Variants in FGR observed in about 807,000 individuals in gnomAD.
FGR encodes tyrosine-protein kinase Fgr.
A neutral mutation model predicts 63.2 loss-of-function variants in FGR; 26 were observed. The observed-to-expected ratio is 0.41, with a 90% CI of 0.30 to 0.57. The LOEUF (loss-of-function observed/expected upper bound fraction) is 0.57. Among genes scored for constraint, FGR ranks in the 20% least tolerant of loss-of-function variants. The pLI is 0.27. For synonymous variants in FGR, 286 were observed against 277.7 expected (o/e 1.03, Z -0.30); for missense variants, 511 against 690.8 (o/e 0.74, Z 2.92).
chr1:27,617,101 AGTCTTG>A lies in FGR; in HGVS notation c.532+86_532+91del. 2 of 1,599,500 alleles carry A rather than the reference AGTCTTG, an allele frequency of 1.3e-6. No homozygotes were observed. Among genetic ancestry groups the A allele is most frequent in the Non-Finnish European group, 1.7e-6 (2 of 1,168,852 alleles). On this transcript the variant is annotated intron_variant, in intron 6 of 12. Transcript: ENST00000374005. This position sits in a 1 kb window ranked among gnomAD's most constrained non-coding sequence, Gnocchi z 4.5. ...AGCAGCATCCCTAGGACCTGGTCCC[AGTCTTG>A]GCCTTAACCCAAGCAGCCTACCGCT... is the stretch of plus-strand genomic sequence containing the variant.
chr1:27,623,629 T>A (rs2089969648), intron 3 of FGR, 62 bp downstream of exon 3: 1 of 1,559,540 alleles, frequency 6.4e-7, no homozygotes, highest in African/African-American at 1.4e-5. Flanking sequence ...TCGCATCTCT[T>A]CTTCTTCCCT....
intron 4 of FGR, among the ~76,000 whole-genome samples, 163 bp downstream of exon 4, chr1:27,622,879 C>G (rs1414520928): frequency 6.6e-6 from 1 of 152,222 alleles, no homozygotes; most frequent in Non-Finnish European, 1.5e-5. Context: ...AACACCACCC[C>G]CCTCAACCAG....
At chr1:27,632,449 C>T (rs1252605481) in intron 1 of FGR, among the ~76,000 whole-genome samples, 1 of 152,064 alleles carries the variant, frequency 6.6e-6, no homozygotes, top group African/African-American at 2.4e-5. Context: ...TCATTAACCC[C>T]CTTTCATCTC....
chr1:27,617,206 G>A lies in FGR; in HGVS notation c.519C>T (p.Ser173=), dbSNP rs778152271. 2.9e-5 allele frequency: 47 copies of A among 1,613,768 alleles called. No homozygotes were observed. Among genetic ancestry groups the A allele is most frequent in the East Asian group, 1.1e-4 (5 of 44,880 alleles). ...CACCACCCCTACCTTTGGTGGTCTC[G>A]CTTTCCCGAATGAGAAAGGCCCCCT... ...NPQGAFLIRE[S]ETTKGAYSLS... The change falls in exon 6 of 13, where the codon AGC becomes AGT. Residue 173 remains serine (S), a synonymous_variant. Transcript: ENST00000374005. This position sits in a 1 kb window ranked among gnomAD's most constrained non-coding sequence, Gnocchi z 4.5.
chr1:27,628,628 A>G (rs1214811291), intron 1 of FGR, among the ~76,000 whole-genome samples: 1 of 152,174 alleles, frequency 6.6e-6, no homozygotes, highest in Non-Finnish European at 1.5e-5. Context: ...ATAGACTTAT[A>G]CAATCTCTCA....
Position 27,621,507 on chromosome 1 carries a change from T to C in FGR, c.428+52A>G, listed in dbSNP as rs1571392549. 7.4e-6 allele frequency: 10 copies of C among 1,360,086 alleles called. 1 individual carries two copies. In the East Asian group the frequency reaches 2.3e-4, roughly 31 times the overall value. The allele number at this position is 1,360,086 out of a possible 1,614,324, so 84.3% of individuals were successfully genotyped here. ...TTGTCCAAGAGGTGGCCTTGGAGTC[T>C]GGACTCCAGGGTCCTGTCCATAGGG... On this transcript the variant is annotated intron_variant, in intron 5 of 12. Coordinates refer to ENST00000374005, the MANE Select transcript of FGR (RefSeq NM_005248.3).
Position 27,623,749 on chromosome 1 carries a change from G to A in FGR, c.168C>T (p.Phe56=). Residue 56 remains phenylalanine, a synonymous_variant, in exon 3 of 13, where the codon TTC becomes TTT. Coordinates refer to ENST00000374005, the MANE Select transcript of FGR (RefSeq NM_005248.3). The stretch of plus-strand genomic sequence containing the variant: ...AGCCAGGGTTGATGGCCTGAGAGGA[G>A]AAGTTGCTGTAGTTGGGGATGTGGG... The part of the protein sequence containing the change: ...SFAHIPNYSN[F]SSQAINPGFL... 3 of 1,614,262 alleles carry A rather than the reference G, an allele frequency of 1.9e-6. No homozygotes were observed. Among genetic ancestry groups the A allele is most frequent in the Non-Finnish European group, 2.5e-6 (3 of 1,180,042 alleles).
At chr1:27,622,288 C>CAAAAAA (rs1210861502) in intron 4 of FGR, among the ~76,000 whole-genome samples, 1 of 42,212 alleles carries the variant, frequency 2.4e-5, no homozygotes, top group East Asian at 7.6e-4. Context: ...GACTCCAACT[C>CAAAAAA]AAAAAAAAAA....
In FGR at chr1:27,614,456, T is replaced by C. The variant is rs759399215; in HGVS notation, c.1223A>G (p.Lys408Arg). Residue 408 changes from lysine (K) to arginine (R), a missense_variant, in exon 11 of 13, where the codon AAG (lysine) becomes AGG (arginine). Physicochemically the swap from Lys to Arg is conservative, Grantham distance 26. Transcript: ENST00000374005. ...IADFGLARLI[K>R]DDEYNPCQGS... ...TTGGCAGGGGTTGTACTCATCGTCC[T>C]TGATGAGACGCGCCAAGCCAAAGTC... 1.1e-5 allele frequency: 17 copies of C among 1,613,502 alleles called. No individual in the cohort carries two copies. In the Admixed American group the frequency reaches 2.0e-4, roughly 19 times the overall value.
At position 27,615,930 on chromosome 1, in the gene FGR, C is replaced by G; in HGVS notation, c.683-86G>C. The G allele has an allele frequency of 1.4e-6, 2 of 1,408,046 alleles. No homozygotes were observed. Among genetic ancestry groups the G allele is most frequent in the East Asian group, 2.5e-5 (1 of 39,444 alleles). 87.2% of individuals were successfully genotyped at this position (1,408,046 alleles called of 1,614,324 possible). On this transcript the variant is annotated intron_variant, in intron 7 of 12. Transcript: ENST00000374005. The surrounding 1 kb of genome is among the most constrained non-coding windows in gnomAD (Gnocchi z 7.6). The stretch of plus-strand genomic sequence containing the variant: ...ATCCTATCCCAGCCTGGTGCCAGAC[C>G]CTAAGATCAGTTATAAGGAACTAGG...
rs774045760 is a variant in FGR, at chr1:27,612,887, G to A, written c.*27C>T. 8.8e-6 allele frequency: 14 copies of A among 1,599,622 alleles called. No individual in the cohort carries two copies. Among genetic ancestry groups the A allele is most frequent in the Admixed American group, 5.1e-5 (3 of 59,086 alleles). On this transcript the variant is annotated 3_prime_UTR_variant, in exon 13 of 13. Coordinates refer to ENST00000374005, the MANE Select transcript of FGR (RefSeq NM_005248.3). Reference sequence around the variant, plus strand: ...GGATTGGCAAGGACTGGTGGCCACCGCCAGAGAGGGTTGATGCCCGGACAG... The same window carrying A: ...GGATTGGCAAGGACTGGTGGCCACCACCAGAGAGGGTTGATGCCCGGACAG...
At chr1:27,624,012 G>A (rs184415524) in intron 2 of FGR, 83 bp from the exon 3 acceptor site, 158 of 1,178,462 alleles carry the variant, frequency 1.3e-4, no homozygotes, top group Admixed American at 2.5e-4. Flanking sequence ...ATGCTCATAC[G>A]CTCATACAGG....
At chr1:27,631,498 C>T (rs1236028286) in intron 1 of FGR, among the ~76,000 whole-genome samples, 1 of 152,222 alleles carries the variant, frequency 6.6e-6, no homozygotes, top group East Asian at 1.9e-4. Flanking sequence ...TTCTAGCCTG[C>T]CTGACAACTA....
At chr1:27,625,963 A>AC (rs2090015042) in intron 1 of FGR, 1 of 400,612 alleles carries the variant, frequency 2.5e-6, no homozygotes, top group Non-Finnish European at 4.4e-6. Context: ...AAACAAACAA[A>AC]AAACAGTCCT....
At position 27,615,747 on chromosome 1, in the gene FGR, G is replaced by A; in HGVS notation, c.780C>T (p.Arg260=). 1 of 1,609,024 alleles carries A rather than the reference G, an allele frequency of 6.2e-7. No homozygotes were observed. Among genetic ancestry groups the A allele is most frequent in the Non-Finnish European group, 8.5e-7 (1 of 1,177,718 alleles). Reference sequence around the variant, plus strand: ...GCCGGCGCTCCAGCGTGATGGAGCTGCGGCTGATCTCCCAGGCGTCCTTGG... The same window carrying A: ...GCCGGCGCTCCAGCGTGATGGAGCTACGGCTGATCTCCCAGGCGTCCTTGG... ...GLAKDAWEIS[R]SSITLERRLG... is the part of the protein sequence containing the mutation. The change falls in exon 8 of 13, where the codon CGC becomes CGT. Residue 260 remains arginine (R), a synonymous_variant. Coordinates refer to ENST00000374005, the MANE Select transcript of FGR (RefSeq NM_005248.3). The surrounding 1 kb of genome is among the most constrained non-coding windows in gnomAD (Gnocchi z 7.6).
rs562577928 is a variant in FGR at position 27,616,799 on chromosome 1, C to G, written c.682+58G>C. The G allele has an allele frequency of 1.2e-4, 183 of 1,577,674 alleles. 1 individual carries two copies. In the South Asian group the frequency reaches 1.9e-3, roughly 17 times the overall value. On this transcript the variant is annotated intron_variant, in intron 7 of 12. Coordinates refer to ENST00000374005, the MANE Select transcript of FGR (RefSeq NM_005248.3). The surrounding 1 kb of genome is among the most constrained non-coding windows in gnomAD (Gnocchi z 4.3). ...CCTTCCCTTCTCTGGGCCTCAGTTC[C>G]CCCATCTGGACAATGCTTCAGTTGG...
Position 27,613,023 on chromosome 1 carries a change from G to A in FGR, c.1481C>T (p.Thr494Ile), listed in dbSNP as rs2089725034. The A allele has an allele frequency of 6.2e-7, 1 of 1,614,102 alleles. No homozygotes were observed. The highest frequency in any genetic ancestry group is 8.5e-7 in the Non-Finnish European group (1 of 1,180,040). The change falls in exon 13 of 13, where the codon ACC becomes ATC. Residue 494 changes from threonine to isoleucine, a missense_variant. By Grantham distance (89) the Thr-to-Ile change is moderately conservative. Transcript: ENST00000374005. ...PASLYEAMEQ[T>I]WRLDPEERPT... is the part of the protein sequence containing the mutation. ...CCTCTCCTCCGGGTCCAGACGCCAG[G>A]TCTGTTCCATGGCCTCGTACAGGGA...
rs1003072077 is a variant in FGR at position 27,616,049 on chromosome 1, G to A, written c.683-205C>T. Among the ~76,000 whole-genome samples the A allele has an allele frequency of 2.0e-5, 3 of 152,202 alleles. No homozygotes were observed. Among genetic ancestry groups the A allele is most frequent in the Admixed American group, 2.0e-4 (3 of 15,284 alleles). On this transcript the variant is annotated intron_variant, in intron 7 of 12. Transcript: ENST00000374005. The surrounding 1 kb of genome is among the most constrained non-coding windows in gnomAD (Gnocchi z 4.3). The stretch of plus-strand genomic sequence containing the variant: ...CCAAGGAAGGGGGTGGCACCCAGAG[G>A]GAGAGATGATCCCTGTAAGCCTTCT...
At position 27,615,596 on chromosome 1, in the gene FGR, T is replaced by C. The variant is rs1355225479; in HGVS notation, c.856A>G (p.Thr286Ala). 2 of 1,610,586 alleles carry C rather than the reference T, an allele frequency of 1.2e-6. No individual in the cohort carries two copies. The highest frequency in any genetic ancestry group is 2.2e-5 in the East Asian group (1 of 44,744). ...DVWLGTWNGS[T>A]KVAVKTLKPG... ...TTCAGCGTCTTCACCGCCACCTTAG[T>C]GCTGCCGTTCCACGTGCCTGCTCGG... Residue 286 changes from threonine (T) to alanine (A), a missense_variant, in exon 9 of 13, where the codon ACT becomes GCT. By Grantham distance (58) the Thr-to-Ala change is moderately conservative (BLOSUM62 0). Coordinates refer to ENST00000374005, the MANE Select transcript of FGR (RefSeq NM_005248.3). This position sits in a 1 kb window ranked among gnomAD's most constrained non-coding sequence, Gnocchi z 7.6.
Sources: allele counts gnomAD v4.1 joint callset (sites outside exome capture counted in the v4.1 genomes callset), GRCh38; gene constraint gnomAD v4.1.1; non-coding constraint Gnocchi (gnomAD v3.1); transcripts MANE v1.5; gene names NCBI Gene and HGNC (gene_info 2026-07-23, HGNC 2026-07-21).